Variants in ZFHX3 observed in about 807,000 individuals in gnomAD.
ZFHX3 encodes zinc finger homeobox 3, also known as zinc finger homeobox protein 3.
A neutral mutation model predicts 279.1 loss-of-function variants in ZFHX3; 42 were observed. The ratio of observed to expected loss-of-function variants is 0.15; its 90% CI spans 0.12 to 0.19. The LOEUF (loss-of-function observed/expected upper bound fraction) is 0.19, where lower values mean the gene tolerates loss of function less well. Among genes scored for constraint, ZFHX3 ranks in the 10% least tolerant of loss-of-function variants. ZFHX3 has a pLI of 1.00. For missense variants in ZFHX3, 4,981 were observed against 4,754.0 expected, an observed-to-expected ratio of 1.05 and a Z score of -1.40; for synonymous variants, 2,293 against 1,957.8, an observed-to-expected ratio of 1.17 and a Z score of -4.52.
intron 3 of ZFHX3, among the ~76,000 whole-genome samples, chr16:73,355,145 A>G (rs1043968044): frequency 6.6e-6 from 1 of 152,176 alleles, no homozygotes; most frequent in Non-Finnish European, 1.5e-5. Flanking sequence ...TCAACCTTGA[A>G]CCGAGATTCC....
intron 8 of ZFHX3, among the ~76,000 whole-genome samples, chr16:73,070,856 C>T (rs1597147038): frequency 6.6e-6 from 1 of 151,456 alleles, no homozygotes; most frequent in East Asian, 2.0e-4. Flanking sequence ...CTCTGTCTTT[C>T]TCATGTCACA....
At chr16:73,800,365 A>C (rs1344950928) in intron 1 of ZFHX3, among the ~76,000 whole-genome samples, 1 of 151,972 alleles carries the variant, frequency 6.6e-6, no homozygotes, top group African/African-American at 2.4e-5. Context: ...CTACAGATGC[A>C]CACCACCCGC....
chr16:73,710,264 T>C (rs2053345915), intron 1 of ZFHX3, among the ~76,000 whole-genome samples: 1 of 152,222 alleles, frequency 6.6e-6, no homozygotes, highest in African/African-American at 2.4e-5. Flanking sequence ...GCCTCCCATT[T>C]AGCTGTTATA....
intron 2 of ZFHX3, among the ~76,000 whole-genome samples, chr16:73,606,913 C>T (rs1040083907): frequency 6.6e-6 from 1 of 152,048 alleles, no homozygotes; most frequent in Non-Finnish European, 1.5e-5. Context: ...GATAAGAACT[C>T]GGCTGGGCAC....
chr16:73,309,906 C>CTTTTTTT (rs57812149), intron 4 of ZFHX3, among the ~76,000 whole-genome samples: 7 of 114,402 alleles, frequency 6.1e-5, no homozygotes, highest in Non-Finnish European at 7.1e-5. Context: ...TTTTTCTTGC[C>CTTTTTTT]TTTTTTTTTT....
chr16:73,339,909 A>G (rs1035497650), intron 3 of ZFHX3, among the ~76,000 whole-genome samples: 2 of 152,228 alleles, frequency 1.3e-5, no homozygotes, highest in African/African-American at 4.8e-5. Context: ...CATTTATATG[A>G]TTCAGCAGTG....
intron 5 of ZFHX3, among the ~76,000 whole-genome samples, chr16:73,241,581 A>G (rs541720444): frequency 1.6e-4 from 24 of 152,148 alleles, no homozygotes; most frequent in African/African-American, 5.8e-4. Flanking sequence ...ACCTGAGGTC[A>G]GGAGTTCAAG....
intron 2 of ZFHX3, among the ~76,000 whole-genome samples, chr16:73,602,872 G>A (rs1044266557): frequency 6.6e-6 from 1 of 151,298 alleles, no homozygotes; most frequent in Non-Finnish European, 1.5e-5. Context: ...GCTTGAACCC[G>A]GTTTGCAGTG....
intron 2 of ZFHX3, among the ~76,000 whole-genome samples, chr16:73,657,873 C>T (rs1366403903): frequency 6.6e-6 from 1 of 152,160 alleles, no homozygotes; most frequent in Non-Finnish European, 1.5e-5. Context: ...GAGCTGTTTC[C>T]ACCTTTTGAC....
At chr16:73,087,739 T>G (rs1483588408) in intron 8 of ZFHX3, among the ~76,000 whole-genome samples, 1 of 152,160 alleles carries the variant, frequency 6.6e-6, no homozygotes, top group Non-Finnish European at 1.5e-5. Context: ...TAATACATTT[T>G]GAGATTTAAT....
intron 6 of ZFHX3, among the ~76,000 whole-genome samples, chr16:73,140,322 C>G (rs913645023): frequency 2.0e-5 from 3 of 152,214 alleles, no homozygotes; most frequent in Middle Eastern, 3.4e-3. Flanking sequence ...CTAAAACCAT[C>G]CGTATCTTGT....
At chr16:73,387,858 C>T (rs1265654868) in intron 3 of ZFHX3, among the ~76,000 whole-genome samples, 4 of 151,898 alleles carry the variant, frequency 2.6e-5, no homozygotes, top group Admixed American at 2.0e-4. Context: ...TGTCAGAGAT[C>T]ATGTATGACA....
intron 7 of ZFHX3, chr16:73,094,585 G>A (rs1330582193): frequency 1.3e-5 from 2 of 151,934 alleles, no homozygotes; most frequent in African/African-American, 4.8e-5. Context: ...GTGGGGCTCA[G>A]GTGTAGCAGC....
rs1328421896 is a variant in ZFHX3, at chr16:72,798,098, T to C, written c.4584A>G (p.Arg1528=). Reference sequence around the variant, plus strand: ...TTTCCATAGTAAAATTGGGACCTTTTCTGAAAGGCAGAGCTCTCTTTGGCT... The same window carrying C: ...TTTCCATAGTAAAATTGGGACCTTTCCTGAAAGGCAGAGCTCTCTTTGGCT... ...GSEPKRALPF[R]KGPNFTMEKF... Residue 1528 remains arginine, a synonymous_variant, in exon 9 of 10, where the codon AGA becomes AGG. Transcript: ENST00000268489. 1.9e-6 allele frequency: 3 copies of C among 1,614,254 alleles called. No individual in the cohort carries two copies. In the South Asian group the frequency reaches 3.3e-5, roughly 18 times the overall value.
intron 1 of ZFHX3, among the ~76,000 whole-genome samples, chr16:73,728,812 TACACACACACACAC>T (rs3049676): frequency 2.7e-5 from 4 of 146,040 alleles, no homozygotes; most frequent in Non-Finnish European, 4.5e-5. Flanking sequence ...AATAACCCCC[TACACACACACACAC>T]ACACACACAC....
intron 1 of ZFHX3, among the ~76,000 whole-genome samples, chr16:73,801,484 G>A (rs1056631074): frequency 6.6e-6 from 1 of 152,212 alleles, no homozygotes; most frequent in African/African-American, 2.4e-5. Flanking sequence ...TGCCAGCCAG[G>A]AGACAGCATA....
rs561341407 is a variant in ZFHX3, at chr16:73,741,234, G to T, written c.-1607-60994C>A. ...AATGGGCCACCTTTTATAATAAAATGGTTTATCTAGAAAGTGACTACATAT... is the reference window on the plus strand; with the variant it reads ...AATGGGCCACCTTTTATAATAAAATTGTTTATCTAGAAAGTGACTACATAT... On this transcript the variant is annotated intron_variant, in intron 1 of 17. Transcript: ENST00000641206. Among the ~76,000 whole-genome samples the T allele has an allele frequency of 2.0e-4, 31 of 151,976 alleles. No homozygotes were observed. The South Asian group carries it at 6.4e-3, about 32-fold the overall frequency.
chr16:73,743,774 C>T (rs1250664201), intron 1 of ZFHX3, among the ~76,000 whole-genome samples: 1 of 152,004 alleles, frequency 6.6e-6, no homozygotes, highest in East Asian at 1.9e-4. Context: ...ATTGGTATTC[C>T]ACGCTGTCAC....
chr16:72,872,706 G>A (rs1306981807), intron 4 of ZFHX3, among the ~76,000 whole-genome samples: 1 of 152,170 alleles, frequency 6.6e-6, no homozygotes, highest in African/African-American at 2.4e-5. Context: ...TGATCCACCC[G>A]CCTCGGCCTC....
Sources: allele counts gnomAD v4.1 joint callset (sites outside exome capture counted in the v4.1 genomes callset), GRCh38; gene constraint gnomAD v4.1.1; transcripts MANE v1.5; gene names NCBI Gene and HGNC (gene_info 2026-07-23, HGNC 2026-07-21).